Variants in HS2ST1 observed in about 807,000 individuals in gnomAD.
HS2ST1 encodes the protein heparan sulfate 2-O-sulfotransferase 1, also known as 2-O-sulfotransferase.
A neutral mutation model predicts 42.9 loss-of-function variants in HS2ST1; 18 were observed. That is an observed-to-expected ratio of 0.42 (90% confidence interval 0.29 to 0.62). HS2ST1 has a LOEUF of 0.62. HS2ST1 is among the 20% of genes least tolerant of loss of function. HS2ST1 has a pLI of 0.21. For missense variants in HS2ST1, 334 were observed against 433.8 expected (o/e 0.77, Z 2.04); for synonymous variants, 146 against 152.9 (o/e 0.95, Z 0.33).
intron 3 of HS2ST1, among the ~76,000 whole-genome samples, chr1:87,090,042 A>C (rs1257275514): frequency 6.6e-6 from 1 of 152,004 alleles, no homozygotes; most frequent in Non-Finnish European, 1.5e-5. Context: ...GAATGGAATC[A>C]CTAACCCATT....
At chr1:87,018,186 A>G (rs1336395012) in intron 1 of HS2ST1, among the ~76,000 whole-genome samples, 1 of 151,830 alleles carries the variant, frequency 6.6e-6, no homozygotes, top group African/African-American at 2.4e-5. Context: ...ACACAAAGAA[A>G]AAACATATTT....
chr1:87,063,222 C>A (rs751681722), intron 1 of HS2ST1, among the ~76,000 whole-genome samples: 9 of 152,154 alleles, frequency 5.9e-5, no homozygotes, highest in African/African-American at 9.7e-5. Context: ...TTTCCCACTG[C>A]TGTTAGGTTC....
rs150775849 is a variant in HS2ST1 at position 86,922,419 on chromosome 1, TTG to T, written c.124+7285_124+7286del. On this transcript the variant is annotated intron_variant, in intron 1 of 6. Coordinates refer to ENST00000370550, the MANE Select transcript of HS2ST1 (RefSeq NM_012262.4). Reference sequence around the variant, plus strand: ...TTTACCATTCCCAGTGTTCTTCATTTTGTGTGTGTGTGTGTGTGTGTGTGTGT... The same window carrying T: ...TTTACCATTCCCAGTGTTCTTCATTTTGTGTGTGTGTGTGTGTGTGTGTGT... Among the ~76,000 whole-genome samples, 488 of 147,640 alleles carry T rather than the reference TTG, an allele frequency of 3.3e-3. 2 individuals carry two copies. Among genetic ancestry groups the T allele is most frequent in the South Asian group, 6.2e-3 (29 of 4,680 alleles).
chr1:87,080,110 A>G (rs1244582007), intron 2 of HS2ST1, among the ~76,000 whole-genome samples: 2 of 152,188 alleles, frequency 1.3e-5, no homozygotes, highest in African/African-American at 2.4e-5. Context: ...ACCTGAATTT[A>G]CCTCAGATAG....
At chr1:87,078,858 C>T (rs1364434328) in intron 2 of HS2ST1, among the ~76,000 whole-genome samples, 1 of 151,974 alleles carries the variant, frequency 6.6e-6, no homozygotes, top group Admixed American at 6.6e-5. Context: ...GCAAGTGGTG[C>T]AGGGAGGTGA....
intron 1 of HS2ST1, among the ~76,000 whole-genome samples, chr1:86,944,922 C>T (rs1488202691): frequency 1.3e-5 from 2 of 151,504 alleles, no homozygotes; most frequent in Non-Finnish European, 2.9e-5. Context: ...TTCCATTGTA[C>T]GTTTAGCTTC....
intron 1 of HS2ST1, among the ~76,000 whole-genome samples, chr1:86,994,493 T>G (rs1474162396): frequency 4.6e-5 from 7 of 152,198 alleles, no homozygotes; most frequent in Non-Finnish European, 1.0e-4. Context: ...AATACAAAAT[T>G]ACTTGTGATC....
rs557233188 is a variant in HS2ST1, at chr1:87,019,245, G to C, written c.125-53689G>C. Among the ~76,000 whole-genome samples the C allele has an allele frequency of 7.5e-4, 114 of 152,250 alleles. 1 individual carries two copies. The highest frequency in any genetic ancestry group is 2.6e-3 in the African/African-American group (109 of 41,536). On this transcript the variant is annotated intron_variant, in intron 1 of 6. Coordinates refer to ENST00000370550, the MANE Select transcript of HS2ST1 (RefSeq NM_012262.4). ...ATTTCCTTAGTAATTTTATGAAGCA[G>C]GTTGCAGGTATCACATTTCTGTAAG...
intron 1 of HS2ST1, among the ~76,000 whole-genome samples, chr1:87,007,634 T>A (rs1649478729): frequency 6.6e-6 from 1 of 152,194 alleles, no homozygotes; most frequent in Non-Finnish European, 1.5e-5. Flanking sequence ...TCCTCTGACA[T>A]TTCTCCAGTA....
At chr1:87,080,455 G>A (rs1651656154) in intron 2 of HS2ST1, among the ~76,000 whole-genome samples, 1 of 152,148 alleles carries the variant, frequency 6.6e-6, no homozygotes, top group South Asian at 2.1e-4. Context: ...GATAGAAGTT[G>A]AGATTTTCAG....
intron 1 of HS2ST1, among the ~76,000 whole-genome samples, chr1:86,917,544 A>G (rs983045445): frequency 1.3e-5 from 2 of 151,966 alleles, no homozygotes; most frequent in Non-Finnish European, 2.9e-5. Flanking sequence ...AAAGAACAAC[A>G]GAAAGCCATT....
At chr1:87,020,253 A>C (rs1416101573) in intron 1 of HS2ST1, among the ~76,000 whole-genome samples, 1 of 152,224 alleles carries the variant, frequency 6.6e-6, no homozygotes, top group African/African-American at 2.4e-5. Context: ...GCAGATTAAA[A>C]TGATGGCTCC....
chr1:87,004,348 G>A (rs867240034), intron 1 of HS2ST1, among the ~76,000 whole-genome samples: 1 of 152,118 alleles, frequency 6.6e-6, no homozygotes, highest in Non-Finnish European at 1.5e-5. Flanking sequence ...CCGAGATCAC[G>A]CCACTGTGCT....
At chr1:87,103,307 A>G (rs1165851098) in intron 5 of HS2ST1, 125 bp from the exon 6 acceptor site, 1 of 768,976 alleles carries the variant, frequency 1.3e-6, no homozygotes, top group African/African-American at 1.8e-5. Flanking sequence ...ATGGTAATAA[A>G]GAGGCATTGA....
chr1:87,070,145 T>C (rs1651365985), intron 1 of HS2ST1, among the ~76,000 whole-genome samples: 1 of 152,232 alleles, frequency 6.6e-6, no homozygotes, highest in South Asian at 2.1e-4. Context: ...TCTGTGTTGC[T>C]AGAGGAAACC....
chr1:87,007,658 C>T (rs981022346), intron 1 of HS2ST1, among the ~76,000 whole-genome samples: 20 of 152,198 alleles, frequency 1.3e-4, no homozygotes, highest in East Asian at 3.9e-4. Flanking sequence ...CACATCTTTA[C>T]GGTATTTTTT....
rs1652300713 is a variant in HS2ST1, at chr1:87,105,054, A to G, written c.*358A>G. On this transcript the variant is annotated 3_prime_UTR_variant, in exon 7 of 7. Coordinates refer to ENST00000370550, the MANE Select transcript of HS2ST1 (RefSeq NM_012262.4). ...TGATAAAGCATTTTTTCAACTAACC[A>G]TGAATTAAGATGAGTCCATTTGCCT... is the stretch of plus-strand genomic sequence containing the variant. 1 of 203,272 alleles carries G rather than the reference A, an allele frequency of 4.9e-6. No individual in the cohort carries two copies. Among genetic ancestry groups the G allele is most frequent in the Admixed American group, 5.4e-5 (1 of 18,422 alleles). 12.6% of individuals were successfully genotyped at this position (203,272 alleles called of 1,614,324 possible).
At chr1:87,072,398 A>G (rs1651433478) in intron 1 of HS2ST1, among the ~76,000 whole-genome samples, 1 of 152,218 alleles carries the variant, frequency 6.6e-6, no homozygotes, top group African/African-American at 2.4e-5. Flanking sequence ...CCAGAGAATA[A>G]CTAAATCGGG....
At position 86,976,704 on chromosome 1, in the gene HS2ST1, G is replaced by GTGTATATATA. The variant is rs1553134337; in HGVS notation, c.124+61545_124+61546insGTATATATAT. 1.1e-4 allele frequency among the ~76,000 whole-genome samples: 9 copies of GTGTATATATA among 79,660 alleles called. 1 individual carries two copies. Among genetic ancestry groups the GTGTATATATA allele is most frequent in the Non-Finnish European group, 1.4e-4 (5 of 36,936 alleles). 52.3% of individuals were successfully genotyped at this position (79,660 alleles called of 152,430 possible). On this transcript the variant is annotated intron_variant, in intron 1 of 6. Transcript: ENST00000370550. Reference sequence around the variant, plus strand: ...AAATCCATCTTTTCTTTATAAAATTGTATATATATATATATATTTTAAATG... The same window carrying GTGTATATATA: ...AAATCCATCTTTTCTTTATAAAATTGTGTATATATATATATATATATATATATTTTAAATG...
Sources: allele counts gnomAD v4.1 joint callset (sites outside exome capture counted in the v4.1 genomes callset), GRCh38; gene constraint gnomAD v4.1.1; transcripts MANE v1.5; gene names NCBI Gene and HGNC (gene_info 2026-07-23, HGNC 2026-07-21).